Variants in CFAP20DC observed in about 807,000 individuals in gnomAD.
CFAP20DC encodes the protein CFAP20 domain containing.
A neutral mutation model predicts 101.7 loss-of-function variants in CFAP20DC; 84 were observed. That is an observed-to-expected ratio of 0.83 (90% CI 0.69 to 0.99). CFAP20DC has a LOEUF of 0.99. Ranked by LOEUF, CFAP20DC falls within the 50% of genes least tolerant of loss-of-function variation. The pLI is 0.00. For missense variants in CFAP20DC, 1,007 were observed against 970.3 expected, an observed-to-expected ratio of 1.04 and a Z score of -0.50; for synonymous variants, 359 against 351.2, an observed-to-expected ratio of 1.02 and a Z score of -0.25.
intron 5 of CFAP20DC, among the ~76,000 whole-genome samples, chr3:58,925,596 C>T (rs1343063939): frequency 6.6e-6 from 1 of 152,136 alleles, no homozygotes; most frequent in African/African-American, 2.4e-5. Context: ...GGATTCATGT[C>T]AATAGAAAAT....
chr3:58,848,991 A>T, intron 13 of CFAP20DC, 41 bp downstream of exon 13: 4 of 1,519,400 alleles, frequency 2.6e-6, no homozygotes, highest in Non-Finnish European at 3.5e-6. Flanking sequence ...ACACAGCAGG[A>T]TGTATTGCCG....
At chr3:58,982,527 T>TA (rs1196172973) in intron 4 of CFAP20DC, among the ~76,000 whole-genome samples, 1 of 151,676 alleles carries the variant, frequency 6.6e-6, no homozygotes, top group African/African-American at 2.4e-5. Flanking sequence ...TATGCAGCCA[T>TA]AAAAAATGAA....
chr3:58,990,638 T>G (rs1467618827), intron 4 of CFAP20DC, among the ~76,000 whole-genome samples: 1 of 152,102 alleles, frequency 6.6e-6, no homozygotes, highest in Non-Finnish European at 1.5e-5. Flanking sequence ...AATCCAAAGA[T>G]CAGAATTCTG....
chr3:58,815,377 A>C (rs2075032754), intron 14 of CFAP20DC, among the ~76,000 whole-genome samples: 1 of 147,662 alleles, frequency 6.8e-6, no homozygotes, highest in Non-Finnish European at 1.5e-5. Flanking sequence ...TTAAAGACTT[A>C]AACGTTAGAC....
chr3:58,819,876 T>C (rs1160008980), intron 14 of CFAP20DC, among the ~76,000 whole-genome samples: 11 of 148,346 alleles, frequency 7.4e-5, no homozygotes, highest in Admixed American at 7.4e-4. Context: ...TGATGAACAT[T>C]GATGCAAAAA....
At chr3:58,723,639 T>C (rs1333789080) in intron 3 of CFAP20DC, among the ~76,000 whole-genome samples, 5 of 152,224 alleles carry the variant, frequency 3.3e-5, no homozygotes. Context: ...GAGCAGATTG[T>C]GGTGACAGGC....
intron 6 of CFAP20DC, among the ~76,000 whole-genome samples, chr3:58,901,575 CGTAA>C (rs914329696): frequency 1.3e-5 from 2 of 152,076 alleles, no homozygotes; most frequent in Non-Finnish European, 2.9e-5. Flanking sequence ...GCAAGTGCTA[CGTAA>C]GTGTTTATGT....
chr3:58,956,807 G>A (rs933000524), intron 4 of CFAP20DC, among the ~76,000 whole-genome samples: 5 of 152,182 alleles, frequency 3.3e-5, no homozygotes, highest in Non-Finnish European at 7.3e-5. Context: ...AGGGGAAGCA[G>A]ACACATTCTT....
chr3:58,797,029 C>T (rs969301047), intron 15 of CFAP20DC, among the ~76,000 whole-genome samples: 12 of 152,136 alleles, frequency 7.9e-5, no homozygotes, highest in Admixed American at 7.9e-4. Context: ...TCTCTCCCTC[C>T]TTGGGCCTAC....
rs1265756707 is a variant in CFAP20DC, at chr3:58,830,188, AG to A, written c.2175+1497del. On this transcript the variant is annotated intron_variant, in intron 14 of 16. Coordinates refer to ENST00000482387, the MANE Select transcript of CFAP20DC (RefSeq NM_001394063.1). ...AGAGAAACCTGAAGGTATGCAAGGT[AG>A]GGATAAAGAGCACTAATCCCCCCAT... Among the ~76,000 whole-genome samples, 4 of 152,212 alleles carry A rather than the reference AG, an allele frequency of 2.6e-5. No homozygotes were observed. In the East Asian group the frequency reaches 7.7e-4, roughly 29 times the overall value.
At position 58,863,335 on chromosome 3, in the gene CFAP20DC, T is replaced by G; in HGVS notation, c.1593+223A>C. ...AACAGAAAGAAACCCAAAACTGGTT[T>G]CTATAAGTAAAAGTGAAATTGGCTG... On this transcript the variant is annotated intron_variant, in intron 12 of 16. Transcript: ENST00000482387. The surrounding 1 kb of genome is among the most constrained non-coding windows in gnomAD (Gnocchi z 5.9). 7.1e-7 allele frequency: 1 copy of G among 1,412,074 alleles called. No homozygotes were observed. Among genetic ancestry groups the G allele is most frequent in the Non-Finnish European group, 9.2e-7 (1 of 1,090,586 alleles). The allele number at this position is 1,412,074 out of a possible 1,614,324, so 87.5% of individuals were successfully genotyped here. A position where few individuals can be genotyped will look rare whatever the true frequency, so the allele number is the denominator to read the frequency against.
intron 14 of CFAP20DC, among the ~76,000 whole-genome samples, chr3:58,810,330 C>T (rs1342782659): frequency 5.3e-5 from 8 of 151,498 alleles, no homozygotes; most frequent in African/African-American, 1.5e-4. Context: ...CCAAATCCAG[C>T]AGCATATCAA....
At chr3:58,842,189 G>T (rs77225893) in intron 13 of CFAP20DC, among the ~76,000 whole-genome samples, 4 of 152,042 alleles carry the variant, frequency 2.6e-5, no homozygotes, top group African/African-American at 2.4e-5. Flanking sequence ...GAACAGCTCC[G>T]GTCTACAGCT....
rs2078019013 is a variant in CFAP20DC at position 58,849,391 on chromosome 3, C to G, written c.1612G>C (p.Gly538Arg). Reference sequence around the variant, plus strand: ...GGACCAGTTGTTGGGCCTCGAGAACCCTGGATACTGTGGTTACCCTATGTT... The same window carrying G: ...GGACCAGTTGTTGGGCCTCGAGAACGCTGGATACTGTGGTTACCCTATGTT... ...SSEEGNHSIQ[G>R]SRGPTTGPSE... The change falls in exon 13 of 17, where the codon GGT becomes CGT. Residue 538 changes from glycine (G) to arginine (R), a missense_variant. By Grantham distance (125) the Gly-to-Arg change is moderately radical. Transcript: ENST00000482387. 6.5e-7 allele frequency: 1 copy of G among 1,532,304 alleles called. No homozygotes were observed. Among genetic ancestry groups the G allele is most frequent in the Admixed American group, 2.0e-5 (1 of 50,240 alleles). 94.9% of individuals were successfully genotyped at this position (1,532,304 alleles called of 1,614,324 possible). A position where few individuals can be genotyped will look rare whatever the true frequency, so the allele number is the denominator to read the frequency against.
chr3:58,748,006 C>T (rs1266111932), intron 16 of CFAP20DC, among the ~76,000 whole-genome samples: 1 of 152,130 alleles, frequency 6.6e-6, no homozygotes, highest in Admixed American at 6.6e-5. Flanking sequence ...AGGTACATTA[C>T]CCCTTTTGTA....
chr3:58,798,049 G>A (rs1288697486), intron 15 of CFAP20DC, among the ~76,000 whole-genome samples: 1 of 152,152 alleles, frequency 6.6e-6, no homozygotes, highest in Non-Finnish European at 1.5e-5. Context: ...AGATGTACAA[G>A]GAGATGAATA....
chr3:58,883,531 C>T (rs2081376041), intron 7 of CFAP20DC, among the ~76,000 whole-genome samples: 2 of 152,152 alleles, frequency 1.3e-5, no homozygotes, highest in African/African-American at 4.8e-5. Flanking sequence ...GCTCAGTCTT[C>T]TGCTCCATCT....
intron 3 of CFAP20DC, among the ~76,000 whole-genome samples, chr3:58,720,239 G>C (rs1449239249): frequency 6.6e-6 from 1 of 152,196 alleles, no homozygotes; most frequent in Non-Finnish European, 1.5e-5. Context: ...AGCAAGGCCT[G>C]GCAGAAAGCA....
At chr3:58,958,133 C>A (rs922000860) in intron 4 of CFAP20DC, among the ~76,000 whole-genome samples, 2 of 151,982 alleles carry the variant, frequency 1.3e-5, no homozygotes, top group Non-Finnish European at 2.9e-5. Flanking sequence ...CTATTATGCA[C>A]CCACAAATTT....
Sources: gnomAD v4.1 joint callset for allele counts (sites outside exome capture counted in the v4.1 genomes callset) on GRCh38, gnomAD v4.1.1 for gene constraint, Gnocchi (gnomAD v3.1) non-coding constraint, MANE v1.5 for transcripts, NCBI Gene and HGNC (gene_info 2026-07-23, HGNC 2026-07-21) for gene names.